The following LMO2 variants were observed in gnomAD, a reference collection of about 807,000 sequenced individuals.
The protein encoded by LMO2 is rhombotin-2.
In LMO2, 20 loss-of-function variants were observed where a neutral mutation model predicts 23.2. That is an observed-to-expected ratio of 0.86 (90% CI 0.61 to 1.25). The LOEUF (loss-of-function observed/expected upper bound fraction) is 1.25. LMO2 is among the 50% of genes most tolerant of loss of function. The pLI is 0.00. For synonymous variants in LMO2, 123 were observed against 130.2 expected (o/e 0.94, Z 0.38); for missense variants, 270 against 315.3 (o/e 0.86, Z 1.09).
At chr11:33,871,201 CTG>C (rs56309116) in intron 2 of LMO2, 19,139 of 159,746 alleles carry the variant, frequency 0.12, 1,529 homozygotes, top group African/African-American at 0.23. Context: ...TAATCAAAAG[CTG>C]TGTGTGTGTG....
In LMO2 at chr11:33,869,553, G is replaced by C. The variant is rs1856931681; in HGVS notation, c.41C>G (p.Ala14Gly). 1 of 1,284,484 alleles carries C rather than the reference G, an allele frequency of 7.8e-7. No homozygotes were observed. Among genetic ancestry groups the C allele is most frequent in the Non-Finnish European group, 1.0e-6 (1 of 1,003,214 alleles). The allele number at this position is 1,284,484 out of a possible 1,614,324, so 79.6% of individuals were successfully genotyped here. A position where few individuals can be genotyped will look rare whatever the true frequency, so the allele number is the denominator to read the frequency against. The change falls in exon 4 of 6, where the codon GCG becomes GGG. Residue 14 changes from alanine to glycine, a missense_variant. Physicochemically the swap from Ala to Gly is moderately conservative, Grantham distance 60. Around this residue, in one of 2 missense-constraint regions of LMO2, gnomAD observed 170 missense variants for 162.0 expected, o/e 1.05. Coordinates refer to ENST00000257818, the MANE Select transcript of LMO2 (RefSeq NM_005574.4). Reference sequence around the variant, plus strand: ...GCTCCGGCGCTCCGCCGGCGAGCTCGCCCCTCCGCGCTCAAGGACAGTCAC... The same window carrying C: ...GCTCCGGCGCTCCGCCGGCGAGCTCCCCCCTCCGCGCTCAAGGACAGTCAC... ...SAVTVLERGG[A>G]SSPAERRSKR... is the part of the protein sequence containing the mutation.
intron 4 of LMO2, among the ~76,000 whole-genome samples, chr11:33,869,031 C>G (rs148755509): frequency 2.6e-5 from 4 of 152,384 alleles, no homozygotes; most frequent in African/African-American, 9.6e-5. Context: ...CTGCGCGCCT[C>G]CAGGCTCTCC....
chr11:33,869,858 C>A lies in LMO2; in HGVS notation c.-142G>T. Reference sequence around the variant, plus strand: ...CGGGTCGCGGCGCGCTGCTCGCCGCCGAGGGCAGAGAGGGGGCGGCGGCCT... The same window carrying A: ...CGGGTCGCGGCGCGCTGCTCGCCGCAGAGGGCAGAGAGGGGGCGGCGGCCT... On this transcript the variant is annotated 5_prime_UTR_variant, in exon 3 of 6. Coordinates refer to ENST00000257818, the MANE Select transcript of LMO2 (RefSeq NM_005574.4). 1 of 1,057,814 alleles carries A rather than the reference C, an allele frequency of 9.5e-7. No individual in the cohort carries two copies. Among genetic ancestry groups the A allele is most frequent in the Non-Finnish European group, 1.1e-6 (1 of 877,500 alleles). 65.5% of individuals were successfully genotyped at this position (1,057,814 alleles called of 1,614,324 possible).
intron 5 of LMO2, among the ~76,000 whole-genome samples, chr11:33,862,299 T>C (rs189706992): frequency 6.6e-5 from 10 of 152,318 alleles, no homozygotes; most frequent in Admixed American, 2.6e-4. Flanking sequence ...TTAAGGTCCG[T>C]TGGGGGTCTA....
At chr11:33,872,568 G>A (rs1191394256) in intron 2 of LMO2, among the ~76,000 whole-genome samples, 1 of 152,154 alleles carries the variant, frequency 6.6e-6, no homozygotes, top group Non-Finnish European at 1.5e-5. Context: ...AAATTTAAAG[G>A]TGAAATGGGG....
chr11:33,884,224 C>T (rs1275884789), intron 1 of LMO2, among the ~76,000 whole-genome samples: 1 of 151,918 alleles, frequency 6.6e-6, no homozygotes, highest in African/African-American at 2.4e-5. Context: ...TGGGGACCTA[C>T]GTAGATATAG....
At chr11:33,882,063 C>T (rs75395676) in intron 1 of LMO2, among the ~76,000 whole-genome samples, 176 bp from the exon 2 acceptor site, 2,916 of 152,194 alleles carry the variant, frequency 0.019, 49 homozygotes, top group Non-Finnish European at 0.033. Context: ...GATAGCGTGA[C>T]GGGTGGGGCA....
At chr11:33,871,153 T>C (rs1265821621) in intron 2 of LMO2, 2 of 715,848 alleles carry the variant, frequency 2.8e-6, no homozygotes, top group Non-Finnish European at 3.4e-6. Flanking sequence ...TGTCATTTTC[T>C]GGTCCCTGTG....
At chr11:33,871,567 CAAA>C (rs58212820) in intron 2 of LMO2, among the ~76,000 whole-genome samples, 6 of 52,934 alleles carry the variant, frequency 1.1e-4, no homozygotes, top group Non-Finnish European at 1.9e-4. Flanking sequence ...GACCCTGTCT[CAAA>C]AAAAAAAAAA....
intron 4 of LMO2, 111 bp downstream of exon 4, chr11:33,869,235 G>T: frequency 1.3e-6 from 1 of 769,216 alleles, no homozygotes; most frequent in Non-Finnish European, 1.7e-6. Context: ...CCAAGGGCAC[G>T]CCGCGAGCGC....
At chr11:33,861,924 G>A (rs111505658) in intron 5 of LMO2, among the ~76,000 whole-genome samples, 2 of 152,272 alleles carry the variant, frequency 1.3e-5, no homozygotes, top group African/African-American at 4.8e-5. Context: ...CAAGGGAACT[G>A]AAAAAGAAGG....
At position 33,880,498 on chromosome 11, in the gene LMO2, G is replaced by C. The variant is rs1337430156; in HGVS notation, c.-272+1326C>G. ...CATAGAGACAGAAAGTCGAATGGTG[G>C]TTGCCAGGAGCTAGGGGGAGGGGAT... On this transcript the variant is annotated intron_variant, in intron 2 of 5. Coordinates refer to ENST00000257818, the MANE Select transcript of LMO2 (RefSeq NM_005574.4). This position sits in a 1 kb window ranked among gnomAD's most constrained non-coding sequence, Gnocchi z 4.3. 1 of 152,150 alleles carries C rather than the reference G, an allele frequency of 6.6e-6. No individual in the cohort carries two copies. Among genetic ancestry groups the C allele is most frequent in the Non-Finnish European group, 1.5e-5 (1 of 68,076 alleles). The allele number at this position is 152,150 out of a possible 1,614,324, so 9.4% of individuals were successfully genotyped here. A position where few individuals can be genotyped will look rare whatever the true frequency, so the allele number is the denominator to read the frequency against.
rs1416957753 is a variant in LMO2 at position 33,869,815 on chromosome 11, C to A, written c.-99G>T. The A allele has an allele frequency of 2.8e-6, 3 of 1,090,520 alleles. No homozygotes were observed. In the African/African-American group the frequency reaches 5.0e-5, roughly 18 times the overall value. 67.6% of individuals were successfully genotyped at this position (1,090,520 alleles called of 1,614,324 possible). ...TGTGCGCCCGCCCGGCCGCCCGGAG[C>A]CCCTCGCACCTTCGGCCCGGGTCGC... On this transcript the variant is annotated 5_prime_UTR_variant, in exon 3 of 6. Transcript: ENST00000257818.
At position 33,869,725 on chromosome 11, in the gene LMO2, CG is replaced by C; in HGVS notation, c.-10del. The C allele has an allele frequency of 7.7e-7, 1 of 1,290,818 alleles. No individual in the cohort carries two copies. The highest frequency in any genetic ancestry group is 1.0e-6 in the Non-Finnish European group (1 of 1,001,426). The allele number at this position is 1,290,818 out of a possible 1,614,324, so 80.0% of individuals were successfully genotyped here. On this transcript the variant is annotated 5_prime_UTR_variant, in exon 3 of 6. Coordinates refer to ENST00000257818, the MANE Select transcript of LMO2 (RefSeq NM_005574.4). ...AGGACTTAACCTTCCATCCCGGTCC[CG>C]CCGCCGCCACCGCCCGGTCCCTCTC...
intron 2 of LMO2, among the ~76,000 whole-genome samples, chr11:33,877,935 C>T (rs762312497): frequency 2.0e-5 from 3 of 151,914 alleles, no homozygotes; most frequent in Admixed American, 6.6e-5. Flanking sequence ...CCTTCAGTCA[C>T]CCCTCATGTG....
rs536942751 is a variant in LMO2, at chr11:33,878,243, C to T, written c.-272+3581G>A. Among the ~76,000 whole-genome samples the T allele has an allele frequency of 1.2e-4, 18 of 152,284 alleles. No individual in the cohort carries two copies. The South Asian group carries it at 3.7e-3, about 32-fold the overall frequency. ...CCCACAGTCCTGGACCCTGAACCTT[C>T]CCATCCAGCCTGTTCTCCTCTCTGA... On this transcript the variant is annotated intron_variant, in intron 2 of 5. Coordinates refer to ENST00000257818, the MANE Select transcript of LMO2 (RefSeq NM_005574.4).
intron 1 of LMO2, among the ~76,000 whole-genome samples, chr11:33,887,701 A>G (rs540551875): frequency 1.3e-4 from 20 of 151,752 alleles, no homozygotes; most frequent in African/African-American, 4.8e-4. Flanking sequence ...CGCTTGGCTA[A>G]TTTTTGTTTT....
chr11:33,861,599 C>A (rs914799223), intron 5 of LMO2, among the ~76,000 whole-genome samples: 1 of 152,186 alleles, frequency 6.6e-6, no homozygotes, highest in Admixed American at 6.5e-5. Context: ...TTGGAGGTCA[C>A]AGAGTGGAAA....
chr11:33,890,728 G>A (rs746749590), intron 1 of LMO2, among the ~76,000 whole-genome samples: 3 of 152,058 alleles, frequency 2.0e-5, no homozygotes, highest in Non-Finnish European at 4.4e-5. Flanking sequence ...TAACAACAAT[G>A]ACAATGATGA....
Sources: allele counts gnomAD v4.1 joint callset (sites outside exome capture counted in the v4.1 genomes callset), GRCh38; gene constraint gnomAD v4.1.1; regional missense constraint gnomAD v4.1.1; non-coding constraint Gnocchi (gnomAD v3.1); transcripts MANE v1.5; gene names NCBI Gene and HGNC (gene_info 2026-07-23, HGNC 2026-07-21).